RUNDC3B: variants seen among roughly 807,000 people sequenced by gnomAD.
The protein encoded by RUNDC3B is RUN domain-containing protein 3B.
A neutral mutation model predicts 58.4 loss-of-function variants in RUNDC3B; 33 were observed. The observed-to-expected ratio is 0.56, with a 90% CI of 0.43 to 0.75. The LOEUF is 0.75. Among genes scored for constraint, RUNDC3B ranks in the 30% least tolerant of loss-of-function variants. The probability of loss-of-function intolerance (pLI) is 0.00; values close to 1 mark genes in which losing one functional copy is unlikely to be tolerated. For synonymous variants in RUNDC3B, 193 were observed against 195.2 expected (o/e 0.99, Z 0.10); for missense variants, 501 against 535.7 (o/e 0.94, Z 0.64).
intron 8 of RUNDC3B, among the ~76,000 whole-genome samples, chr7:87,784,795 G>A (rs1021277037): frequency 2.6e-5 from 4 of 151,818 alleles, no homozygotes; most frequent in Admixed American, 1.3e-4. Context: ...CCCTCACTAA[G>A]TCTGTTCCTA....
chr7:87,714,664 C>T (rs150397575), intron 4 of RUNDC3B, among the ~76,000 whole-genome samples: 7 of 152,140 alleles, frequency 4.6e-5, no homozygotes, highest in African/African-American at 1.4e-4. Context: ...ACTGGTTAGA[C>T]GAGAAATTCT....
At chr7:87,781,121 A>G (rs1397690012) in intron 8 of RUNDC3B, among the ~76,000 whole-genome samples, 1 of 152,152 alleles carries the variant, frequency 6.6e-6, no homozygotes, top group Admixed American at 6.5e-5. Flanking sequence ...ATTCATGAGC[A>G]CGGAATATTT....
At chr7:87,679,216 C>G (rs1288646936) in intron 2 of RUNDC3B, among the ~76,000 whole-genome samples, 2 of 148,460 alleles carry the variant, frequency 1.3e-5, no homozygotes, top group Non-Finnish European at 3.0e-5. Context: ...CCTCAGCCTC[C>G]CAAGAAGCTG....
At chr7:87,654,141 T>C (rs1172137776) in intron 2 of RUNDC3B, among the ~76,000 whole-genome samples, 1 of 151,996 alleles carries the variant, frequency 6.6e-6, no homozygotes, top group Non-Finnish European at 1.5e-5. Context: ...TGTTAAAATG[T>C]TTATATTAAC....
At chr7:87,731,683 T>C (rs947081828) in intron 4 of RUNDC3B, among the ~76,000 whole-genome samples, 2 of 152,180 alleles carry the variant, frequency 1.3e-5, no homozygotes, top group Non-Finnish European at 2.9e-5. Flanking sequence ...TGTCAGAATA[T>C]AATGATAAAG....
intron 3 of RUNDC3B, among the ~76,000 whole-genome samples, chr7:87,708,661 A>T (rs900713670): frequency 6.6e-6 from 1 of 151,914 alleles, no homozygotes; most frequent in Non-Finnish European, 1.5e-5. Flanking sequence ...AAACTCTCTT[A>T]AATGCTGACA....
chr7:87,685,020 T>G (rs1827319632), intron 2 of RUNDC3B, among the ~76,000 whole-genome samples: 1 of 152,100 alleles, frequency 6.6e-6, no homozygotes, highest in African/African-American at 2.4e-5. Context: ...AATATCTTTG[T>G]TTAATTAGGC....
At chr7:87,744,292 T>G (rs55990608) in intron 6 of RUNDC3B, among the ~76,000 whole-genome samples, 2 of 152,220 alleles carry the variant, frequency 1.3e-5, no homozygotes, top group Admixed American at 1.3e-4. Context: ...TTTGGCTATG[T>G]GGGTTCTTTT....
intron 2 of RUNDC3B, among the ~76,000 whole-genome samples, chr7:87,691,875 C>T (rs977696313): frequency 6.6e-6 from 1 of 152,120 alleles, no homozygotes; most frequent in African/African-American, 2.4e-5. Context: ...TGGGTCTTGG[C>T]AGCCTTGTCT....
chr7:87,676,318 T>C (rs1315135342), intron 2 of RUNDC3B, among the ~76,000 whole-genome samples: 1 of 152,108 alleles, frequency 6.6e-6, no homozygotes, highest in Non-Finnish European at 1.5e-5. Flanking sequence ...AGAGATAACA[T>C]GTGTAAACCA....
intron 4 of RUNDC3B, among the ~76,000 whole-genome samples, chr7:87,723,201 G>C (rs1831011248): frequency 1.3e-5 from 2 of 152,012 alleles, no homozygotes; most frequent in South Asian, 4.1e-4. Context: ...AAATAAAATA[G>C]ACAAATACCT....
intron 4 of RUNDC3B, among the ~76,000 whole-genome samples, chr7:87,732,589 T>G (rs926945704): frequency 2.6e-5 from 4 of 152,150 alleles, no homozygotes; most frequent in Non-Finnish European, 5.9e-5. Context: ...GTTAGGCAGA[T>G]CAGCAGATTG....
chr7:87,715,687 G>T (rs939814776), intron 4 of RUNDC3B, among the ~76,000 whole-genome samples: 3 of 151,464 alleles, frequency 2.0e-5, no homozygotes, highest in Non-Finnish European at 4.4e-5. Flanking sequence ...TTGATTGATT[G>T]CTTTGTCACA....
rs942265525 is a variant in RUNDC3B, at chr7:87,820,334, C to T, written c.1225+4072C>T. 5.3e-5 allele frequency among the ~76,000 whole-genome samples: 8 copies of T among 152,126 alleles called. No individual in the cohort carries two copies. The South Asian group carries it at 1.2e-3, about 24-fold the overall frequency. On this transcript the variant is annotated intron_variant, in intron 10 of 10. Coordinates refer to ENST00000394654, the MANE Select transcript of RUNDC3B (RefSeq NM_001134405.2). ...ACACATACACCATCCCATGACTAAA[C>T]CAGGAAGAAGTTTAATCTCTGAATA...
chr7:87,725,300 C>A (rs1204699402), intron 4 of RUNDC3B, among the ~76,000 whole-genome samples: 2 of 152,144 alleles, frequency 1.3e-5, no homozygotes, highest in African/African-American at 4.8e-5. Context: ...TCCAAGCATT[C>A]TCATTGTTCA....
At chr7:87,679,693 C>G (rs1017811141) in intron 2 of RUNDC3B, among the ~76,000 whole-genome samples, 7 of 150,192 alleles carry the variant, frequency 4.7e-5, no homozygotes, top group African/African-American at 1.2e-4. Flanking sequence ...CCTGGCCACC[C>G]CAACATTTAT....
chr7:87,793,807 A>G (rs1246564472), intron 8 of RUNDC3B, among the ~76,000 whole-genome samples: 2 of 152,162 alleles, frequency 1.3e-5, no homozygotes, highest in Non-Finnish European at 2.9e-5. Flanking sequence ...GCTGTCATTC[A>G]GTAATAGTAC....
intron 10 of RUNDC3B, among the ~76,000 whole-genome samples, chr7:87,825,242 A>G (rs1837735907): frequency 6.6e-6 from 1 of 152,050 alleles, no homozygotes; most frequent in African/African-American, 2.4e-5. Context: ...GAAAAAGAAA[A>G]TACCATTTTC....
At chr7:87,777,254 T>C (rs972147510) in intron 7 of RUNDC3B, among the ~76,000 whole-genome samples, 1 of 152,202 alleles carries the variant, frequency 6.6e-6, no homozygotes, top group Non-Finnish European at 1.5e-5. Flanking sequence ...TCCTACCAAC[T>C]AGGATACTCT....
Sources: allele counts gnomAD v4.1 joint callset (sites outside exome capture counted in the v4.1 genomes callset), GRCh38; gene constraint gnomAD v4.1.1; transcripts MANE v1.5; gene names NCBI Gene and HGNC (gene_info 2026-07-23, HGNC 2026-07-21).